PDE11A: variants seen among roughly 807,000 people sequenced by gnomAD.
PDE11A encodes phosphodiesterase 11A, also known as dual 3',5'-cyclic-AMP and -GMP phosphodiesterase 11A.
PDE11A carries 100 observed loss-of-function variants against 100.5 expected under a neutral mutation model. That is an observed-to-expected ratio of 1.00 (90% CI 0.85 to 1.18). PDE11A has a LOEUF of 1.18. Among genes scored for constraint, PDE11A ranks in the 50% most tolerant of loss-of-function variants. The pLI, the probability that PDE11A is intolerant of heterozygous loss-of-function variation, is 0.00. For missense variants in PDE11A, 1,141 were observed against 1,152.6 expected (o/e 0.99, Z 0.15); for synonymous variants, 381 against 420.8 (o/e 0.91, Z 1.16).
intron 9 of PDE11A, among the ~76,000 whole-genome samples, chr2:177,780,030 AAAC>A (rs1292067324): frequency 6.6e-6 from 1 of 152,200 alleles, no homozygotes; most frequent in Non-Finnish European, 1.5e-5. Context: ...GCAGGCATGA[AAAC>A]AACATTAATA....
At chr2:177,880,384 C>G (rs2084310796) in intron 4 of PDE11A, among the ~76,000 whole-genome samples, 1 of 152,166 alleles carries the variant, frequency 6.6e-6, no homozygotes, top group African/African-American at 2.4e-5. Flanking sequence ...AATAAAGACT[C>G]TAGACACTAA....
intron 1 of PDE11A, chr2:178,017,989 C>G (rs1306935234): frequency 6.4e-6 from 1 of 155,088 alleles, no homozygotes; most frequent in East Asian, 1.9e-4. Flanking sequence ...AATTCAGGAG[C>G]AAGATGGTGG....
intron 2 of PDE11A, among the ~76,000 whole-genome samples, chr2:178,094,429 G>A (rs2087462571): frequency 6.6e-6 from 1 of 152,166 alleles, no homozygotes; most frequent in South Asian, 2.1e-4. Context: ...CTACTCAGGA[G>A]GCTGAGGCGG....
chr2:177,658,181 T>C (rs920184282), intron 19 of PDE11A, among the ~76,000 whole-genome samples: 6 of 152,138 alleles, frequency 3.9e-5, no homozygotes, highest in African/African-American at 1.2e-4. Flanking sequence ...GGTCCTTCTC[T>C]TGAAGGTCAC....
At chr2:177,677,959 A>C (rs1415730049) in intron 16 of PDE11A, 1 of 152,340 alleles carries the variant, frequency 6.6e-6, no homozygotes, top group South Asian at 2.1e-4. Flanking sequence ...TGTAGTTGTA[A>C]AACAATTTAA....
chr2:177,986,830 CAA>C (rs57382231), intron 2 of PDE11A, among the ~76,000 whole-genome samples: 20 of 94,586 alleles, frequency 2.1e-4, no homozygotes, highest in African/African-American at 2.4e-4. Flanking sequence ...GACTCCATCT[CAA>C]AAAAAAAAAA....
intron 13 of PDE11A, among the ~76,000 whole-genome samples, chr2:177,706,366 A>G (rs1314538151): frequency 6.6e-6 from 1 of 152,204 alleles, no homozygotes; most frequent in Non-Finnish European, 1.5e-5. Flanking sequence ...GGAGCACTTT[A>G]AGAGAAGGGA....
rs781775234 is a variant in PDE11A, at chr2:178,071,831, G to A, written c.607C>T (p.Gln203Ter). The change falls in exon 1 of 20, where the codon CAG (glutamine) becomes TAG (stop). Residue 203 changes from glutamine (Q) to a stop codon, truncating the protein, a stop_gained. Coordinates refer to ENST00000286063, the MANE Select transcript of PDE11A (RefSeq NM_016953.4). LOFTEE classifies it high-confidence loss of function. ...KCHLKKHNER[Q>*]FFLELVKDIS... ...TCTTTGACCAATTCCAGAAAGAACTGACGCTCATTATGCTTTTTCAGATGG... is the reference window on the plus strand; with the variant it reads ...TCTTTGACCAATTCCAGAAAGAACTAACGCTCATTATGCTTTTTCAGATGG... 42 of 1,613,922 alleles carry A rather than the reference G, an allele frequency of 2.6e-5. No individual in the cohort carries two copies. Among genetic ancestry groups the A allele is most frequent in the Non-Finnish European group, 3.5e-5 (41 of 1,179,904 alleles).
At chr2:177,853,714 T>TGTGTGTGTGTGTGTGTTTGTG (rs1558974124) in intron 5 of PDE11A, among the ~76,000 whole-genome samples, 1 of 16,288 alleles carries the variant, frequency 6.1e-5, no homozygotes, top group Non-Finnish European at 1.3e-4. Context: ...GTGTGTGTGT[T>TGTGTGTGTGTGTGTGTTTGTG]TGTGTGTGTG....
intron 9 of PDE11A, among the ~76,000 whole-genome samples, chr2:177,814,890 C>T (rs2083012032): frequency 6.6e-6 from 1 of 152,152 alleles, no homozygotes; most frequent in African/African-American, 2.4e-5. Flanking sequence ...ATCTTCCCAT[C>T]TGGGGGTAAA....
At chr2:177,653,981 G>A (rs946570046) in intron 19 of PDE11A, among the ~76,000 whole-genome samples, 2 of 151,984 alleles carry the variant, frequency 1.3e-5, no homozygotes, top group African/African-American at 4.8e-5. Flanking sequence ...TTCCTTCTTA[G>A]CTTCCAATAT....
intron 5 of PDE11A, among the ~76,000 whole-genome samples, chr2:177,847,986 GTGTT>G (rs760331073): frequency 0.013 from 1,893 of 150,772 alleles, 6 homozygotes; most frequent in Non-Finnish European, 0.019. Flanking sequence ...TGTGAATGGT[GTGTT>G]TGTGTGTGTG....
chr2:178,099,654 G>A (rs1012834311), intron 2 of PDE11A, among the ~76,000 whole-genome samples: 2 of 152,074 alleles, frequency 1.3e-5, no homozygotes, highest in Non-Finnish European at 2.9e-5. Flanking sequence ...AATTCACAAT[G>A]GAATTGTGGA....
chr2:177,858,623 T>C (rs890734220), intron 5 of PDE11A, among the ~76,000 whole-genome samples: 2 of 152,070 alleles, frequency 1.3e-5, no homozygotes, highest in African/African-American at 2.4e-5. Context: ...TGTGGAGAAA[T>C]AGGAACACTT....
At chr2:177,796,664 T>C (rs776007268) in intron 9 of PDE11A, among the ~76,000 whole-genome samples, 1 of 152,160 alleles carries the variant, frequency 6.6e-6, no homozygotes, top group Non-Finnish European at 1.5e-5. Flanking sequence ...TGTCCCCTTA[T>C]GACAGCACTA....
At chr2:177,756,685 T>C (rs2082094830) in intron 10 of PDE11A, among the ~76,000 whole-genome samples, 1 of 152,184 alleles carries the variant, frequency 6.6e-6, no homozygotes, top group South Asian at 2.1e-4. Context: ...ATGGGATCAC[T>C]CAGCACAGGA....
rs1349004757 is a variant in PDE11A, at chr2:177,727,905, C to A, written c.1935+121G>T. Reference sequence around the variant, plus strand: ...ATCTCTTCTGGTTCTCACAGTAATCCCATGAGGTGTGCAGGGCAGGGATTA... The same window carrying A: ...ATCTCTTCTGGTTCTCACAGTAATCACATGAGGTGTGCAGGGCAGGGATTA... On this transcript the variant is annotated intron_variant, in intron 11 of 19. Transcript: ENST00000286063. 1.3e-5 allele frequency: 13 copies of A among 1,019,632 alleles called. No homozygotes were observed. The East Asian group carries it at 3.1e-4, about 25-fold the overall frequency. The allele number at this position is 1,019,632 out of a possible 1,614,324, so 63.2% of individuals were successfully genotyped here.
chr2:177,997,414 C>A lies in PDE11A; in HGVS notation c.1071+16888G>T, dbSNP rs545549837. On this transcript the variant is annotated intron_variant, in intron 2 of 19. Transcript: ENST00000286063. ...ATTCACTGGCTCTCTTTTGCCCAATCTCAACCTTTTATACAGGTTTCCAGG... is the reference window on the plus strand; with the variant it reads ...ATTCACTGGCTCTCTTTTGCCCAATATCAACCTTTTATACAGGTTTCCAGG... 763 of 828,960 alleles carry A rather than the reference C, an allele frequency of 9.2e-4. 2 individuals carry two copies. The highest frequency in any genetic ancestry group is 2.5e-3 in the South Asian group (186 of 75,040). The allele number at this position is 828,960 out of a possible 1,614,324, so 51.4% of individuals were successfully genotyped here.
chr2:177,731,249 A>C (rs1208022629), intron 10 of PDE11A, among the ~76,000 whole-genome samples: 7 of 152,158 alleles, frequency 4.6e-5, no homozygotes, highest in Admixed American at 4.6e-4. Context: ...GGCTTTAGAA[A>C]TATTAGAGGT....
Sources: gnomAD v4.1 joint callset for allele counts (sites outside exome capture counted in the v4.1 genomes callset) on GRCh38, gnomAD v4.1.1 for gene constraint, MANE v1.5 for transcripts, NCBI Gene and HGNC (gene_info 2026-07-23, HGNC 2026-07-21) for gene names.